The following G3BP2 variants were observed in gnomAD, a reference collection of about 807,000 sequenced individuals.
G3BP2 encodes ras GTPase-activating protein-binding protein 2.
A neutral mutation model predicts 56.7 loss-of-function variants in G3BP2; 11 were observed. The observed-to-expected ratio is 0.19, with a 90% confidence interval of 0.12 to 0.32. G3BP2 has a LOEUF of 0.32. Among genes scored for constraint, G3BP2 ranks in the 10% least tolerant of loss-of-function variants. G3BP2 has a pLI of 1.00. For missense variants in G3BP2, 340 were observed against 610.9 expected (o/e 0.56, Z 4.67); for synonymous variants, 165 against 191.6 (o/e 0.86, Z 1.15).
rs1731135544 is a variant in G3BP2, at chr4:75,645,295, T to A, written c.*135A>T. Reference sequence around the variant, plus strand: ...ATAATGTCCACCTCAATTTAACTGATAACCAAAGATGCTTTTCACATCAAA... The same window carrying A: ...ATAATGTCCACCTCAATTTAACTGAAAACCAAAGATGCTTTTCACATCAAA... On this transcript the variant is annotated 3_prime_UTR_variant, in exon 12 of 12. Coordinates refer to ENST00000359707, the MANE Select transcript of G3BP2 (RefSeq NM_203505.3). 1 of 737,442 alleles carries A rather than the reference T, an allele frequency of 1.4e-6. No homozygotes were observed. Among genetic ancestry groups the A allele is most frequent in the African/African-American group, 1.8e-5 (1 of 56,706 alleles). 45.7% of individuals were successfully genotyped at this position (737,442 alleles called of 1,614,324 possible).
At chr4:75,685,201 A>G (rs1330684702) in intron 3 of G3BP2, among the ~76,000 whole-genome samples, 1 of 151,064 alleles carries the variant, frequency 6.6e-6, no homozygotes, top group East Asian at 1.9e-4. Flanking sequence ...AAAAAAAAAC[A>G]CAAAACAAAA....
intron 8 of G3BP2, among the ~76,000 whole-genome samples, chr4:75,650,089 A>T (rs927481648): frequency 1.3e-5 from 2 of 152,164 alleles, no homozygotes; most frequent in African/African-American, 4.8e-5. Context: ...CAAACTCTTT[A>T]ATCATTTATA....
chr4:75,710,657 C>T (rs1460974436), intron 3 of G3BP2, among the ~76,000 whole-genome samples: 1 of 152,106 alleles, frequency 6.6e-6, no homozygotes, highest in African/African-American at 2.4e-5. Flanking sequence ...AAATTTAAGT[C>T]TGTCTGGCTT....
intron 2 of G3BP2, 49 bp downstream of exon 2, chr4:75,661,882 C>T (rs1732598192): frequency 1.1e-6 from 1 of 931,144 alleles, no homozygotes; most frequent in East Asian, 2.4e-5. Context: ...ATAGTCATAC[C>T]CAAGAAAAAA....
intron 3 of G3BP2, among the ~76,000 whole-genome samples, chr4:75,692,941 T>C (rs1034082109): frequency 6.6e-6 from 1 of 152,204 alleles, no homozygotes; most frequent in Non-Finnish European, 1.5e-5. Context: ...AACTGATTGC[T>C]GGCTTTTAAA....
intron 3 of G3BP2, among the ~76,000 whole-genome samples, chr4:75,696,155 A>G (rs1232597732): frequency 6.6e-6 from 1 of 152,180 alleles, no homozygotes; most frequent in African/African-American, 2.4e-5. Context: ...GTAACCTTCA[A>G]AAGATTTTTC....
chr4:75,698,190 A>C (rs1719200268), intron 3 of G3BP2, among the ~76,000 whole-genome samples: 1 of 152,272 alleles, frequency 6.6e-6, no homozygotes, highest in South Asian at 2.1e-4. Flanking sequence ...AGCCCACTGT[A>C]ATACAGAGAG....
rs1339865687 is a variant in G3BP2, at chr4:75,719,120, G to T, written c.-25+1757C>A. ...TCCCAGCACTTTGGGAGGCCGAGGC[G>T]GGCGGATCACGAGGTCAGGAGATCG... is the stretch of plus-strand genomic sequence containing the variant. On this transcript the variant is annotated intron_variant, in intron 3 of 3. Transcript: ENST00000499709. Among the ~76,000 whole-genome samples, 3 of 151,864 alleles carry T rather than the reference G, an allele frequency of 2.0e-5. No homozygotes were observed. The East Asian group carries it at 5.8e-4, about 29-fold the overall frequency.
upstream of G3BP2, among the ~76,000 whole-genome samples, chr4:75,674,720 T>TATATATATATATATATATATA (rs33996257): frequency 7.3e-5 from 4 of 54,634 alleles, no homozygotes; most frequent in African/African-American, 2.2e-4. Context: ...ATATATATAT[T>TATATATATATATATATATATA]TTTTTTTTTT....
At chr4:75,699,660 T>G (rs896946804) in intron 3 of G3BP2, among the ~76,000 whole-genome samples, 17 of 152,254 alleles carry the variant, frequency 1.1e-4, no homozygotes, top group African/African-American at 3.9e-4. Flanking sequence ...CGTATTGATT[T>G]TGAAACTAAT....
intron 3 of G3BP2, chr4:75,695,013 G>T: frequency 1.2e-6 from 1 of 817,618 alleles, no homozygotes; most frequent in Non-Finnish European, 1.5e-6. Flanking sequence ...ATGGCCCTGT[G>T]GCTCAAGAGC....
At chr4:75,706,487 G>T (rs1719549234) in intron 3 of G3BP2, among the ~76,000 whole-genome samples, 1 of 152,140 alleles carries the variant, frequency 6.6e-6, no homozygotes, top group Non-Finnish European at 1.5e-5. Context: ...AAATCAGCCT[G>T]ACCAACATGG....
At chr4:75,667,958 C>T (rs1458301860) in intron 1 of G3BP2, among the ~76,000 whole-genome samples, 1 of 152,214 alleles carries the variant, frequency 6.6e-6, no homozygotes, top group Non-Finnish European at 1.5e-5. Context: ...CTCTGCCTAT[C>T]GCACCTAAAA....
chr4:75,694,123 T>G (rs542659245), intron 3 of G3BP2, among the ~76,000 whole-genome samples: 93 of 152,246 alleles, frequency 6.1e-4, no homozygotes, highest in Non-Finnish European at 4.7e-4. Context: ...ATGAATGAAT[T>G]AAAGTGGAAA....
At chr4:75,674,712 ATATATATTTTTTTTT>A (rs1285289429), upstream of G3BP2, among the ~76,000 whole-genome samples, 41 of 50,006 alleles carry the variant, frequency 8.2e-4, no homozygotes, top group Middle Eastern at 0.028. Flanking sequence ...ATATATATAT[ATATATATTTTTTTTT>A]TTTTTTTTTT....
chr4:75,714,735 G>T (rs888469969), intron 3 of G3BP2, among the ~76,000 whole-genome samples: 1 of 152,110 alleles, frequency 6.6e-6, no homozygotes, highest in African/African-American at 2.4e-5. Flanking sequence ...TAAAAGGGTA[G>T]AAGAATGGGA....
chr4:75,673,606 A>C (rs1018747501), upstream of G3BP2: 3 of 1,231,452 alleles, frequency 2.4e-6, no homozygotes, highest in African/African-American at 1.6e-5. Context: ...GGGGAACCGG[A>C]ACCGGCCTAA....
intron 3 of G3BP2, among the ~76,000 whole-genome samples, chr4:75,678,847 T>C (rs1236598322): frequency 6.6e-6 from 1 of 152,210 alleles, no homozygotes; most frequent in Non-Finnish European, 1.5e-5. Flanking sequence ...ACAATACATG[T>C]AAAACATTTT....
intron 5 of G3BP2, 115 bp from the exon 6 acceptor site, chr4:75,655,985 T>A (rs1237902653): frequency 6.4e-6 from 4 of 625,402 alleles, no homozygotes; most frequent in Non-Finnish European, 1.1e-5. Flanking sequence ...ATTTGACAAT[T>A]TTCTTTCCTT....
Sources: allele counts gnomAD v4.1 joint callset (sites outside exome capture counted in the v4.1 genomes callset), GRCh38; gene constraint gnomAD v4.1.1; transcripts MANE v1.5; gene names NCBI Gene and HGNC (gene_info 2026-07-23, HGNC 2026-07-21).